Variants in ARMH4 observed in about 807,000 individuals in gnomAD.
ARMH4 encodes the protein armadillo like helical domain containing 4.
ARMH4 carries 49 observed loss-of-function variants against 61.9 expected under a neutral mutation model. The observed-to-expected ratio is 0.79, with a 90% confidence interval of 0.63 to 1.00. The LOEUF (loss-of-function observed/expected upper bound fraction) is 1.00. ARMH4 is among the 50% of genes least tolerant of loss of function. The pLI is 0.00. For missense variants in ARMH4, 934 were observed against 930.0 expected (o/e 1.00, Z -0.06); for synonymous variants, 368 against 341.5 (o/e 1.08, Z -0.85).
At chr14:58,009,462 C>T (rs974525884) in intron 6 of ARMH4, among the ~76,000 whole-genome samples, 2 of 152,010 alleles carry the variant, frequency 1.3e-5, no homozygotes, top group African/African-American at 4.8e-5. Context: ...AAGCTTGGGC[C>T]GCTCTCACTG....
At chr14:58,064,807 A>G (rs913103862) in intron 5 of ARMH4, among the ~76,000 whole-genome samples, 5 of 152,222 alleles carry the variant, frequency 3.3e-5, no homozygotes, top group African/African-American at 1.2e-4. Context: ...TGTTTCACAG[A>G]AAGTATGTTG....
intron 1 of ARMH4, among the ~76,000 whole-genome samples, chr14:58,148,219 G>T (rs1887807864): frequency 6.6e-6 from 1 of 152,104 alleles, no homozygotes; most frequent in South Asian, 2.1e-4. Flanking sequence ...GCTAATTTTT[G>T]TATTCTTAGT....
chr14:58,077,751 C>A (rs1206511744), intron 5 of ARMH4, among the ~76,000 whole-genome samples: 1 of 152,196 alleles, frequency 6.6e-6, no homozygotes, highest in East Asian at 1.9e-4. Flanking sequence ...ACAGAGCTAG[C>A]AAGTGATATA....
chr14:58,053,596 A>G (rs1364462221), intron 5 of ARMH4, among the ~76,000 whole-genome samples: 3 of 152,174 alleles, frequency 2.0e-5, no homozygotes, highest in African/African-American at 7.2e-5. Context: ...GGCCCCTGGT[A>G]GAAGATCTCT....
intron 4 of ARMH4, among the ~76,000 whole-genome samples, chr14:58,108,512 T>G (rs1886242489): frequency 6.6e-6 from 1 of 152,332 alleles, no homozygotes. Context: ...TTGGGGACTT[T>G]CTTTCCATTC....
rs1885768240 is a variant in ARMH4 at position 58,096,853 on chromosome 14, G to A, written c.1960C>T (p.Pro654Ser). 1 of 1,614,062 alleles carries A rather than the reference G, an allele frequency of 6.2e-7. No homozygotes were observed. The highest frequency in any genetic ancestry group is 8.5e-7 in the Non-Finnish European group (1 of 1,180,008). ...DEGLDGDTEL[P>S]GFTLPGITSQ... Reference sequence around the variant, plus strand: ...GTGATACCAGGGAGGGTAAAACCTGGCAGCTCAGTGTCACCATCCAAGCCC... The same window carrying A: ...GTGATACCAGGGAGGGTAAAACCTGACAGCTCAGTGTCACCATCCAAGCCC... Residue 654 changes from proline to serine, a missense_variant, in exon 5 of 8, where the codon CCA (proline) becomes TCA (serine). Physicochemically the swap from Pro to Ser is moderately conservative, Grantham distance 74 (BLOSUM62 -1). Coordinates refer to ENST00000267485, the MANE Select transcript of ARMH4 (RefSeq NM_001001872.4).
At chr14:58,055,394 G>A (rs1273638327) in intron 5 of ARMH4, among the ~76,000 whole-genome samples, 1 of 152,146 alleles carries the variant, frequency 6.6e-6, no homozygotes, top group Non-Finnish European at 1.5e-5. Flanking sequence ...TGGAGTACAC[G>A]AAAGTGTGCT....
intron 1 of ARMH4, among the ~76,000 whole-genome samples, chr14:58,151,514 T>C (rs888409627): frequency 6.6e-6 from 1 of 152,024 alleles, no homozygotes; most frequent in Admixed American, 6.6e-5. Flanking sequence ...GCAAGGAGGC[T>C]CGACATCTCT....
intron 5 of ARMH4, among the ~76,000 whole-genome samples, chr14:58,054,880 A>ATAAT (rs1566560089): frequency 1.9e-5 from 2 of 104,732 alleles, no homozygotes; most frequent in African/African-American, 4.0e-5. Context: ...AAAAAAAAAA[A>ATAAT]AAAAATAATA....
chr14:58,135,702 GGACT>G (rs1369635326), intron 2 of ARMH4, among the ~76,000 whole-genome samples: 11 of 152,028 alleles, frequency 7.2e-5, no homozygotes, highest in African/African-American at 1.7e-4. Context: ...CTGACTCAAA[GGACT>G]GACTATCATC....
intron 5 of ARMH4, among the ~76,000 whole-genome samples, chr14:58,052,660 T>C (rs1884185890): frequency 6.6e-6 from 1 of 152,130 alleles, no homozygotes; most frequent in Admixed American, 6.5e-5. Context: ...ATTATAGTAG[T>C]TCCTCAGGGT....
rs1885768405 is a variant in ARMH4 at position 58,096,854 on chromosome 14, C to T, written c.1959G>A (p.Leu653=). Residue 653 remains leucine (L), a synonymous_variant, in exon 5 of 8, where the codon CTG becomes CTA. Coordinates refer to ENST00000267485, the MANE Select transcript of ARMH4 (RefSeq NM_001001872.4). ...LDEGLDGDTE[L]PGFTLPGITS... is the part of the protein sequence containing the mutation. Reference sequence around the variant, plus strand: ...TGATACCAGGGAGGGTAAAACCTGGCAGCTCAGTGTCACCATCCAAGCCCT... The same window carrying T: ...TGATACCAGGGAGGGTAAAACCTGGTAGCTCAGTGTCACCATCCAAGCCCT... 1 of 1,614,142 alleles carries T rather than the reference C, an allele frequency of 6.2e-7. No individual in the cohort carries two copies. The highest frequency in any genetic ancestry group is 8.5e-7 in the Non-Finnish European group (1 of 1,180,026).
chr14:58,042,608 A>T (rs1883767741), intron 5 of ARMH4, among the ~76,000 whole-genome samples: 1 of 152,180 alleles, frequency 6.6e-6, no homozygotes. Context: ...TCAGAGCAGA[A>T]CTGAAGGAGA....
chr14:58,069,882 TTAACA>T (rs1288063310), intron 5 of ARMH4, among the ~76,000 whole-genome samples: 1 of 152,192 alleles, frequency 6.6e-6, no homozygotes, highest in Non-Finnish European at 1.5e-5. Context: ...TGATACTCAA[TTAACA>T]TAATAAGATT....
chr14:58,021,738 G>C (rs578168977), intron 5 of ARMH4, among the ~76,000 whole-genome samples: 91 of 152,250 alleles, frequency 6.0e-4, no homozygotes, highest in African/African-American at 2.2e-3. Context: ...AGACAGGTAG[G>C]GAATGGTCAG....
chr14:58,076,101 AG>A (rs1421834388), intron 5 of ARMH4, among the ~76,000 whole-genome samples: 1 of 97,854 alleles, frequency 1.0e-5, no homozygotes, highest in Non-Finnish European at 2.1e-5. Flanking sequence ...GGGGAGGGGA[AG>A]GGGGAGGGGG....
chr14:58,133,480 A>G, intron 2 of ARMH4, 139 bp from the exon 3 acceptor site: 4 of 757,284 alleles, frequency 5.3e-6, no homozygotes, highest in South Asian at 3.8e-5. Flanking sequence ...AGAACTCAGA[A>G]GTAAAATGAC....
intron 5 of ARMH4, among the ~76,000 whole-genome samples, chr14:58,019,816 T>A (rs1236406564): frequency 1.3e-5 from 2 of 151,910 alleles, no homozygotes; most frequent in South Asian, 2.1e-4. Context: ...AAATATAATT[T>A]AAAAAAATAA....
rs1887951091 is a variant in ARMH4 at position 58,152,073 on chromosome 14, A to C, written c.-57+2T>G. On this transcript the variant is annotated splice_donor_variant, in intron 1 of 7. Coordinates refer to ENST00000267485, the MANE Select transcript of ARMH4 (RefSeq NM_001001872.4). LOFTEE classifies it low-confidence loss of function (5UTR_SPLICE). Reference sequence around the variant, plus strand: ...AGTGGCCGGAGCCGGGCCCGTCCTCACCTGTGCGCCTTCAGCTGAGCAGCG... The same window carrying C: ...AGTGGCCGGAGCCGGGCCCGTCCTCCCCTGTGCGCCTTCAGCTGAGCAGCG... The C allele has an allele frequency of 6.5e-6, 1 of 153,302 alleles. No individual in the cohort carries two copies. Among genetic ancestry groups the C allele is most frequent in the Non-Finnish European group, 1.5e-5 (1 of 68,400 alleles). The allele number at this position is 153,302 out of a possible 1,614,324, so 9.5% of individuals were successfully genotyped here.
Sources: gnomAD v4.1 joint callset for allele counts (sites outside exome capture counted in the v4.1 genomes callset) on GRCh38, gnomAD v4.1.1 for gene constraint, MANE v1.5 for transcripts, NCBI Gene and HGNC (gene_info 2026-07-23, HGNC 2026-07-21) for gene names.